LMO7: variants seen among roughly 807,000 people sequenced by gnomAD.
LMO7 encodes the protein LIM domain 7, also known as LIM domain only protein 7.
In LMO7, 120 loss-of-function variants were observed where a neutral mutation model predicts 206.5. The ratio of observed to expected loss-of-function variants is 0.58; its 90% CI spans 0.50 to 0.68. The LOEUF is 0.68. Ranked by LOEUF, LMO7 falls within the 30% of genes least tolerant of loss-of-function variation. The pLI is 0.00. For missense variants in LMO7, 1,959 were observed against 1,957.9 expected, an observed-to-expected ratio of 1.00 and a Z score of -0.01; for synonymous variants, 706 against 681.5, an observed-to-expected ratio of 1.04 and a Z score of -0.56.
intron 15 of LMO7, among the ~76,000 whole-genome samples, chr13:75,828,693 G>C (rs1480334126): frequency 1.3e-5 from 2 of 152,194 alleles, no homozygotes; most frequent in African/African-American, 4.8e-5. Context: ...TCTGGCAACT[G>C]TGTGGACAAT....
intron 16 of LMO7, 44 bp from the exon 17 acceptor site, chr13:75,834,182 T>G (rs2058930624): frequency 6.8e-7 from 1 of 1,472,656 alleles, no homozygotes; most frequent in African/African-American, 1.4e-5. Context: ...ATAGAACATG[T>G]GGGATTTTTT....
chr13:75,847,547 G>A (rs1405094088), intron 26 of LMO7, among the ~76,000 whole-genome samples: 1 of 152,186 alleles, frequency 6.6e-6, no homozygotes, highest in Non-Finnish European at 1.5e-5. Flanking sequence ...GCACACTTGG[G>A]TCATGTCAGC....
intron 1 of LMO7, among the ~76,000 whole-genome samples, chr13:75,690,326 C>G (rs2041360647): frequency 6.6e-6 from 1 of 152,024 alleles, no homozygotes; most frequent in Admixed American, 6.6e-5. Context: ...GCTGGGGGGT[C>G]TTCTCTGCTT....
chr13:75,656,430 T>C (rs1356100610), intron 1 of LMO7, among the ~76,000 whole-genome samples: 4 of 152,240 alleles, frequency 2.6e-5, no homozygotes, highest in Admixed American at 6.5e-5. Context: ...GCAATTCAGA[T>C]TGGTAATTCA....
chr13:75,635,933 G>C (rs1464876779), upstream of LMO7: 2 of 152,224 alleles, frequency 1.3e-5, no homozygotes, highest in Non-Finnish European at 2.9e-5. Context: ...GAGGTTTCTT[G>C]GCCGGGAAAG....
At chr13:75,731,162 G>A (rs1328297784) in intron 3 of LMO7, among the ~76,000 whole-genome samples, 2 of 152,138 alleles carry the variant, frequency 1.3e-5, no homozygotes, top group East Asian at 1.9e-4. Flanking sequence ...GTGCAGAGCC[G>A]AGTTCAATTC....
At chr13:75,845,107 C>T (rs1433329652) in intron 25 of LMO7, among the ~76,000 whole-genome samples, 2 of 152,190 alleles carry the variant, frequency 1.3e-5, no homozygotes, top group Non-Finnish European at 2.9e-5. Flanking sequence ...GTGTTTGTAT[C>T]TATTTCCAGC....
At chr13:75,671,368 A>AC (rs1189765678) in intron 1 of LMO7, among the ~76,000 whole-genome samples, 3 of 152,126 alleles carry the variant, frequency 2.0e-5, no homozygotes, top group Admixed American at 6.6e-5. Flanking sequence ...ATCACCACAA[A>AC]CACATAATGC....
At chr13:75,818,703 A>T (rs532576418) in intron 12 of LMO7, among the ~76,000 whole-genome samples, 1 of 152,112 alleles carries the variant, frequency 6.6e-6, no homozygotes, top group African/African-American at 2.4e-5. Context: ...CTGAAATTGC[A>T]TACTCAAGTC....
chr13:75,827,185 T>A (rs2058197396), intron 15 of LMO7, among the ~76,000 whole-genome samples: 1 of 152,210 alleles, frequency 6.6e-6, no homozygotes, highest in Admixed American at 6.5e-5. Flanking sequence ...GGACTTGAAC[T>A]GCATTCAAGG....
At chr13:75,686,764 T>TATA (rs2041037485) in intron 1 of LMO7, among the ~76,000 whole-genome samples, 1 of 152,060 alleles carries the variant, frequency 6.6e-6, no homozygotes, top group Non-Finnish European at 1.5e-5. Flanking sequence ...TAACAGAGTA[T>TATA]ATAGGGTGCA....
Position 75,761,003 on chromosome 13 carries a change from AGATCTACAGGATT to A in LMO7, c.283_295del (p.Asp95TyrfsTer16), listed in dbSNP as rs559563276. ...AAGAAGCCCAGCTTTTCCATCCTGGAGATCTACAGGATTTATCAAATCGAGTCACTGTCAAGTA... is the reference window on the plus strand; with the variant it reads ...AAGAAGCCCAGCTTTTCCATCCTGGATATCAAATCGAGTCACTGTCAAGTA... On this transcript the variant is annotated frameshift_variant, in exon 4 of 31. Transcript: ENST00000377534. LOFTEE classifies it high-confidence loss of function. The A allele has an allele frequency of 1.5e-3, 2,492 of 1,613,264 alleles. 3 individuals carry two copies. Among genetic ancestry groups the A allele is most frequent in the Non-Finnish European group, 1.6e-3 (1,914 of 1,179,504 alleles).
intron 3 of LMO7, chr13:75,760,318 G>A: frequency 2.0e-6 from 2 of 983,750 alleles, no homozygotes; most frequent in African/African-American, 1.7e-5. Context: ...AGTGAGTAAT[G>A]TGCCACACAA....
At chr13:75,696,323 C>A (rs1161125637) in intron 1 of LMO7, among the ~76,000 whole-genome samples, 1 of 151,984 alleles carries the variant, frequency 6.6e-6, no homozygotes. Context: ...CCATTGCACT[C>A]CAGCCTGGGC....
intron 7 of LMO7, among the ~76,000 whole-genome samples, chr13:75,803,088 C>T (rs554982062): frequency 1.2e-4 from 18 of 152,236 alleles, no homozygotes; most frequent in Middle Eastern, 6.8e-3. Flanking sequence ...AAATAAATGT[C>T]TGATTTTTTA....
intron 1 of LMO7, among the ~76,000 whole-genome samples, chr13:75,651,687 A>G (rs2037585400): frequency 6.6e-6 from 1 of 152,200 alleles, no homozygotes; most frequent in East Asian, 1.9e-4. Flanking sequence ...GAACTGAAAC[A>G]CTTTTGGGGA....
At chr13:75,702,353 C>T (rs964530371) in intron 1 of LMO7, among the ~76,000 whole-genome samples, 1 of 152,112 alleles carries the variant, frequency 6.6e-6, no homozygotes, top group Admixed American at 6.6e-5. Context: ...GTTGGGGTAG[C>T]AGGCAGAAGG....
chr13:75,788,327 C>G (rs905132570), intron 4 of LMO7, among the ~76,000 whole-genome samples: 2 of 151,586 alleles, frequency 1.3e-5, no homozygotes, highest in African/African-American at 4.8e-5. Flanking sequence ...AGCGTGTTGG[C>G]GGGCTAATCC....
chr13:75,729,366 G>A lies in LMO7; in HGVS notation c.210+2268G>A, dbSNP rs1430233443. 4.1e-5 allele frequency among the ~76,000 whole-genome samples: 6 copies of A among 146,662 alleles called. No individual in the cohort carries two copies. In the South Asian group the frequency reaches 1.3e-3, roughly 33 times the overall value. The stretch of plus-strand genomic sequence containing the variant: ...ACATCCCTTGTAAGTTGGATTCCTA[G>A]GTATTTTATTCTCTTTGAAGCAATT... On this transcript the variant is annotated intron_variant, in intron 3 of 30. Coordinates refer to ENST00000377534, the MANE Select transcript of LMO7 (RefSeq NM_001306080.2).
Sources: allele counts gnomAD v4.1 joint callset (sites outside exome capture counted in the v4.1 genomes callset), GRCh38; gene constraint gnomAD v4.1.1; transcripts MANE v1.5; gene names NCBI Gene and HGNC (gene_info 2026-07-23, HGNC 2026-07-21).